The following GPATCH2L variants were observed in gnomAD, a reference collection of about 807,000 sequenced individuals.
The protein encoded by GPATCH2L is G patch domain-containing protein 2-like.
A neutral mutation model predicts 57.4 loss-of-function variants in GPATCH2L; 31 were observed. The ratio of observed to expected loss-of-function variants is 0.54; its 90% CI spans 0.41 to 0.73. The LOEUF (loss-of-function observed/expected upper bound fraction) is 0.73, where lower values mean the gene tolerates loss of function less well. Among genes scored for constraint, GPATCH2L ranks in the 30% least tolerant of loss-of-function variants. GPATCH2L has a pLI of 0.00. For missense variants in GPATCH2L, 481 were observed against 599.9 expected (o/e 0.80, Z 2.07); for synonymous variants, 199 against 210.7 (o/e 0.94, Z 0.48).
In GPATCH2L at chr14:76,180,780, C is replaced by T; in HGVS notation, c.1124C>T (p.Pro375Leu). The change falls in exon 8 of 10, where the codon CCC (proline) becomes CTC (leucine). Residue 375 changes from proline (P) to leucine (L), a missense_variant. Physicochemically the swap from Pro to Leu is moderately conservative, Grantham distance 98. Around this residue, in one of 3 missense-constraint regions of GPATCH2L, gnomAD observed 248 missense variants for 270.5 expected, o/e 0.92. Coordinates refer to ENST00000261530, the MANE Select transcript of GPATCH2L (RefSeq NM_017926.4). ...TTCCTGCAGTTCAATCCCCTGTCTC[C>T]CCTTTACTCCCTGGATGTTCTTGCC... Reference protein sequence around the residue: ...ACAHEFNPLSPLYSLDVLADA... With the variant: ...ACAHEFNPLSLLYSLDVLADA... 1 of 1,611,450 alleles carries T rather than the reference C, an allele frequency of 6.2e-7. No homozygotes were observed. The highest frequency in any genetic ancestry group is 8.5e-7 in the Non-Finnish European group (1 of 1,177,528).
intron 1 of GPATCH2L, among the ~76,000 whole-genome samples, chr14:76,226,352 G>C (rs2040536366): frequency 2.0e-5 from 3 of 152,176 alleles, no homozygotes. Context: ...TCAAAGATGA[G>C]AATACATTGT....
Position 76,203,044 on chromosome 14 carries a change from C to T in GPATCH2L, c.*1193C>T, listed in dbSNP as rs1025115386. 2 of 152,192 alleles carry T rather than the reference C, an allele frequency of 1.3e-5. No individual in the cohort carries two copies. The highest frequency in any genetic ancestry group is 4.8e-5 in the African/African-American group (2 of 41,434). The allele number at this position is 152,192 out of a possible 1,614,324, so 9.4% of individuals were successfully genotyped here. On this transcript the variant is annotated 3_prime_UTR_variant, in exon 10 of 10. Coordinates refer to ENST00000261530, the MANE Select transcript of GPATCH2L (RefSeq NM_017926.4). The stretch of plus-strand genomic sequence containing the variant: ...ATAGAAGCTCTTGGTGAAGTGCTCC[C>T]TGCTCTGGTCACATTGTAGAGGGAC...
intron 9 of GPATCH2L, among the ~76,000 whole-genome samples, chr14:76,197,114 C>T (rs993856571): frequency 2.6e-5 from 4 of 152,114 alleles, no homozygotes; most frequent in African/African-American, 9.7e-5. Flanking sequence ...AATCACTTCC[C>T]TGAGGCCACA....
rs745574680 is a variant in GPATCH2L at position 76,204,632 on chromosome 14, T to A, written c.*2781T>A. 3 of 152,230 alleles carry A rather than the reference T, an allele frequency of 2.0e-5. No homozygotes were observed. Among genetic ancestry groups the A allele is most frequent in the Admixed American group, 2.0e-4 (3 of 15,282 alleles). The allele number at this position is 152,230 out of a possible 1,614,324, so 9.4% of individuals were successfully genotyped here. ...TTACGTAGTTTCAAAAATGAGGTTT[T>A]GTAATCAGTGTTGAAAAAACTCTGA... is the stretch of plus-strand genomic sequence containing the variant. On this transcript the variant is annotated 3_prime_UTR_variant, in exon 10 of 10. Transcript: ENST00000261530.
chr14:76,182,821 C>T (rs1761970467), intron 8 of GPATCH2L, among the ~76,000 whole-genome samples: 1 of 152,114 alleles, frequency 6.6e-6, no homozygotes, highest in South Asian at 2.1e-4. Context: ...TTTGAAAAAG[C>T]ACAGAGGAGG....
At chr14:76,181,017 G>A (rs1414906292) in intron 8 of GPATCH2L, among the ~76,000 whole-genome samples, 168 bp downstream of exon 8, 1 of 152,210 alleles carries the variant, frequency 6.6e-6, no homozygotes, top group East Asian at 1.9e-4. Context: ...GAGCAGTGAA[G>A]TATCTTTCCT....
chr14:76,153,527 A>G (rs376333238), intron 1 of GPATCH2L: 4 of 152,232 alleles, frequency 2.6e-5, no homozygotes, highest in African/African-American at 9.6e-5. Context: ...TTCAGCTGCT[A>G]TTGTATCCTA....
intron 3 of GPATCH2L, among the ~76,000 whole-genome samples, chr14:76,170,897 A>G (rs2039053350): frequency 6.6e-6 from 1 of 152,184 alleles, no homozygotes; most frequent in South Asian, 2.1e-4. Flanking sequence ...ATTGACCTTG[A>G]CTTCTCTAGG....
At chr14:76,193,859 A>G (rs2040063160) in intron 8 of GPATCH2L, among the ~76,000 whole-genome samples, 1 of 152,152 alleles carries the variant, frequency 6.6e-6, no homozygotes, top group South Asian at 2.1e-4. Context: ...CCTTTGTTTG[A>G]CTTTGTTTCT....
At chr14:76,165,490 CAAAA>C (rs34800017) in intron 2 of GPATCH2L, among the ~76,000 whole-genome samples, 1 of 87,668 alleles carries the variant, frequency 1.1e-5, no homozygotes. Flanking sequence ...AACTCCATCT[CAAAA>C]AAAAAAAAAA....
chr14:76,210,130 C>G lies in GPATCH2L; in HGVS notation c.*8279C>G, dbSNP rs938191921. On this transcript the variant is annotated 3_prime_UTR_variant, in exon 10 of 10. Coordinates refer to ENST00000261530, the MANE Select transcript of GPATCH2L (RefSeq NM_017926.4). ...ATATACTATCCTTGAAACTATTAGG[C>G]CCCTGTCCAGAGTACCTAATAATAA... 1.3e-5 allele frequency: 2 copies of G among 152,126 alleles called. No homozygotes were observed. The highest frequency in any genetic ancestry group is 4.8e-5 in the African/African-American group (2 of 41,420). 9.4% of individuals were successfully genotyped at this position (152,126 alleles called of 1,614,324 possible).
chr14:76,165,358 G>A (rs1443891869), intron 2 of GPATCH2L, among the ~76,000 whole-genome samples: 1 of 151,908 alleles, frequency 6.6e-6, no homozygotes, highest in African/African-American at 2.4e-5. Context: ...TGGGTGTGGT[G>A]GTGCGCGCCT....
intron 8 of GPATCH2L, among the ~76,000 whole-genome samples, chr14:76,189,173 C>T (rs780235372): frequency 1.4e-4 from 21 of 151,838 alleles, no homozygotes; most frequent in Non-Finnish European, 2.5e-4. Flanking sequence ...TTTAGGATAG[C>T]TTTGGCTGTT....
In GPATCH2L at chr14:76,154,481, C is replaced by T. The variant is rs573443370; in HGVS notation, c.118C>T (p.Arg40Trp). Residue 40 changes from arginine (R) to tryptophan (W), a missense_variant, in exon 2 of 10, where the codon CGG (arginine) becomes TGG (tryptophan). By Grantham distance (101) the Arg-to-Trp change is moderately radical (BLOSUM62 -3). Coordinates refer to ENST00000261530, the MANE Select transcript of GPATCH2L (RefSeq NM_017926.4). This position sits in a 1 kb window ranked among gnomAD's most constrained non-coding sequence, Gnocchi z 4.4. ...LSPRQQRRQL[R>W]KRRGRKRRSD... ...CCCCCGACAGCAGAGGCGGCAGCTT[C>T]GGAAACGCCGAGGTCGGAAGCGTCG... is the stretch of plus-strand genomic sequence containing the variant. 3 of 1,614,160 alleles carry T rather than the reference C, an allele frequency of 1.9e-6. No homozygotes were observed. The highest frequency in any genetic ancestry group is 2.7e-5 in the African/African-American group (2 of 75,040).
intron 3 of GPATCH2L, among the ~76,000 whole-genome samples, chr14:76,170,299 T>C (rs1182136042): frequency 6.6e-6 from 1 of 152,210 alleles, no homozygotes; most frequent in African/African-American, 2.4e-5. Context: ...CTGACTACAT[T>C]ATGAACTCTT....
intron 9 of GPATCH2L, among the ~76,000 whole-genome samples, chr14:76,198,767 C>T (rs1326174525): frequency 6.9e-6 from 1 of 144,910 alleles, no homozygotes; most frequent in Non-Finnish European, 1.5e-5. Flanking sequence ...AATGTATTGT[C>T]AGATGCATTC....
chr14:76,177,932 G>A, intron 6 of GPATCH2L, 56 bp from the exon 7 acceptor site: 1 of 1,601,242 alleles, frequency 6.2e-7, no homozygotes, highest in South Asian at 1.1e-5. Context: ...ACGAAATCAG[G>A]TAAGATCATT....
At chr14:76,167,616 C>G (rs1283680881) in intron 3 of GPATCH2L, among the ~76,000 whole-genome samples, 1 of 152,182 alleles carries the variant, frequency 6.6e-6, no homozygotes, top group African/African-American at 2.4e-5. Context: ...GCATCTTGTT[C>G]ATGCCTCGAA....
chr14:76,204,730 G>A lies in GPATCH2L; in HGVS notation c.*2879G>A, dbSNP rs2040356047. On this transcript the variant is annotated 3_prime_UTR_variant, in exon 10 of 10. Transcript: ENST00000261530. The stretch of plus-strand genomic sequence containing the variant: ...GCTCAAAAGTAATAACTAAAGCTGA[G>A]TTAAACAGTTGTTATTTATTTCAGG... 1 of 152,162 alleles carries A rather than the reference G, an allele frequency of 6.6e-6. No individual in the cohort carries two copies. Among genetic ancestry groups the A allele is most frequent in the Non-Finnish European group, 1.5e-5 (1 of 68,028 alleles). The allele number at this position is 152,162 out of a possible 1,614,324, so 9.4% of individuals were successfully genotyped here.
Sources: gnomAD v4.1 joint callset for allele counts (sites outside exome capture counted in the v4.1 genomes callset) on GRCh38, gnomAD v4.1.1 for gene constraint, gnomAD v4.1.1 regional missense constraint, Gnocchi (gnomAD v3.1) non-coding constraint, MANE v1.5 for transcripts, NCBI Gene and HGNC (gene_info 2026-07-23, HGNC 2026-07-21) for gene names.